The following HCN1 variants were observed in gnomAD, a reference collection of about 807,000 sequenced individuals.
The protein encoded by HCN1 is hyperpolarization activated cyclic nucleotide gated potassium channel 1.
A neutral mutation model predicts 78.9 loss-of-function variants in HCN1; 13 were observed. The ratio of observed to expected loss-of-function variants is 0.16; its 90% confidence interval spans 0.11 to 0.26. The LOEUF (loss-of-function observed/expected upper bound fraction) is 0.26. Ranked by LOEUF, HCN1 falls within the 10% of genes least tolerant of loss-of-function variation. HCN1 has a pLI of 1.00. For synonymous variants in HCN1, 552 were observed against 455.5 expected (o/e 1.21, Z -2.70); for missense variants, 810 against 1,154.3 (o/e 0.70, Z 4.32).
intron 2 of HCN1, among the ~76,000 whole-genome samples, chr5:45,568,761 C>A (rs376099486): frequency 2.6e-5 from 4 of 151,950 alleles, no homozygotes; most frequent in South Asian, 2.1e-4. Context: ...CCACTAGGTT[C>A]TTTTTTTAAG....
intron 2 of HCN1, among the ~76,000 whole-genome samples, chr5:45,486,192 G>A (rs938592622): frequency 2.0e-5 from 3 of 152,068 alleles, no homozygotes; most frequent in African/African-American, 7.2e-5. Context: ...ATCAAGACTG[G>A]GAGAAAGGTG....
chr5:45,294,941 C>A (rs368575000), intron 6 of HCN1, among the ~76,000 whole-genome samples: 18 of 152,162 alleles, frequency 1.2e-4, no homozygotes, highest in African/African-American at 4.3e-4. Flanking sequence ...ATGGCCTTGG[C>A]CAGCTTGTTT....
At chr5:45,292,238 T>A (rs1579784229) in intron 6 of HCN1, among the ~76,000 whole-genome samples, 1 of 152,008 alleles carries the variant, frequency 6.6e-6, no homozygotes, top group South Asian at 2.1e-4. Flanking sequence ...TTACAATTGA[T>A]AACTATTTTG....
intron 4 of HCN1, among the ~76,000 whole-genome samples, chr5:45,376,190 A>G (rs1186603957): frequency 1.7e-5 from 2 of 115,696 alleles, no homozygotes; most frequent in Non-Finnish European, 3.3e-5. Flanking sequence ...TACATATAAT[A>G]TATATAACAT....
chr5:45,644,974 C>T, intron 2 of HCN1: 2 of 542,796 alleles, frequency 3.7e-6, no homozygotes, highest in Non-Finnish European at 6.4e-6. Context: ...ATAAAACGAT[C>T]ACTATTTTTT....
chr5:45,601,945 A>G (rs1404318822), intron 2 of HCN1, among the ~76,000 whole-genome samples: 4 of 152,010 alleles, frequency 2.6e-5, no homozygotes, highest in Non-Finnish European at 5.9e-5. Context: ...GACCAGGTGG[A>G]GATAATTGAA....
chr5:45,549,022 C>T (rs1318331412), intron 2 of HCN1, among the ~76,000 whole-genome samples: 5 of 151,360 alleles, frequency 3.3e-5, no homozygotes, highest in African/African-American at 7.3e-5. Context: ...GAAGAACATT[C>T]CATGCTCATG....
At chr5:45,405,934 T>G (rs1043288338) in intron 3 of HCN1, among the ~76,000 whole-genome samples, 5 of 152,178 alleles carry the variant, frequency 3.3e-5, no homozygotes, top group African/African-American at 1.2e-4. Flanking sequence ...GTACTTTTTC[T>G]TGCTTCAAGA....
intron 2 of HCN1, among the ~76,000 whole-genome samples, chr5:45,466,514 C>T (rs7717787): frequency 6.6e-6 from 1 of 151,802 alleles, no homozygotes; most frequent in Non-Finnish European, 1.5e-5. Context: ...AGAGAACATT[C>T]TATTTTAAAA....
Position 45,514,345 on chromosome 5 carries a change from G to C in HCN1, c.850-52338C>G, listed in dbSNP as rs574833844. Among the ~76,000 whole-genome samples the C allele has an allele frequency of 3.9e-5, 6 of 152,108 alleles. No individual in the cohort carries two copies. In the East Asian group the frequency reaches 1.2e-3, roughly 29 times the overall value. On this transcript the variant is annotated intron_variant, in intron 2 of 7. Transcript: ENST00000303230. ...CACAATCATCCCTTATGTGAATCAT[G>C]AAAATAACCTCCAAAGCCGTCTCTT... is the stretch of plus-strand genomic sequence containing the variant.
chr5:45,512,066 T>C (rs1742427583), intron 2 of HCN1, among the ~76,000 whole-genome samples: 1 of 152,096 alleles, frequency 6.6e-6, no homozygotes, highest in Non-Finnish European at 1.5e-5. Flanking sequence ...TATAACTTAC[T>C]ACCATCCTGT....
At chr5:45,350,618 A>G (rs1023757420) in intron 5 of HCN1, among the ~76,000 whole-genome samples, 9 of 151,532 alleles carry the variant, frequency 5.9e-5, no homozygotes, top group African/African-American at 2.2e-4. Flanking sequence ...TTGTATATCT[A>G]GAAAACCCCA....
chr5:45,272,422 G>C (rs1744977484), intron 6 of HCN1, among the ~76,000 whole-genome samples: 1 of 151,512 alleles, frequency 6.6e-6, no homozygotes, highest in Non-Finnish European at 1.5e-5. Context: ...CTAAATAATG[G>C]CTTTATCAAC....
chr5:45,516,916 T>G (rs1463550627), intron 2 of HCN1, among the ~76,000 whole-genome samples: 2 of 151,896 alleles, frequency 1.3e-5, no homozygotes, highest in African/African-American at 4.8e-5. Context: ...AGTTATCTCA[T>G]TGAAGTAAAA....
Position 45,354,029 on chromosome 5 carries a change from C to T in HCN1, c.1231-783G>A, listed in dbSNP as rs114947078. ...GCCTATTTATATTTATACACACATG[C>T]GCGTGCACACACACACACCCAGAGA... On this transcript the variant is annotated intron_variant, in intron 4 of 7. Coordinates refer to ENST00000303230, the MANE Select transcript of HCN1 (RefSeq NM_021072.4). 4.9e-3 allele frequency among the ~76,000 whole-genome samples: 745 copies of T among 151,828 alleles called. 3 individuals carry two copies. The highest frequency in any genetic ancestry group is 5.9e-3 in the Non-Finnish European group (400 of 67,864).
intron 2 of HCN1, among the ~76,000 whole-genome samples, chr5:45,530,949 T>G (rs1217436061): frequency 6.6e-6 from 1 of 152,066 alleles, no homozygotes; most frequent in African/African-American, 2.4e-5. Context: ...AAAAGACTAA[T>G]GGTGGTGGTG....
intron 6 of HCN1, among the ~76,000 whole-genome samples, chr5:45,292,059 A>G (rs1044742250): frequency 8.6e-5 from 13 of 151,988 alleles, no homozygotes; most frequent in African/African-American, 3.1e-4. Context: ...TATTTTCAAT[A>G]TCCATTTGTT....
At chr5:45,380,332 G>A (rs762544081) in intron 4 of HCN1, among the ~76,000 whole-genome samples, 1 of 151,980 alleles carries the variant, frequency 6.6e-6, no homozygotes, top group Non-Finnish European at 1.5e-5. Flanking sequence ...TTCCCAAAAG[G>A]CTCCCTCTTA....
chr5:45,582,806 A>T (rs985997932), intron 2 of HCN1, among the ~76,000 whole-genome samples: 2 of 152,078 alleles, frequency 1.3e-5, no homozygotes, highest in African/African-American at 4.8e-5. Flanking sequence ...GGTTCTGTTT[A>T]TATACTGGAT....
Sources: gnomAD v4.1 joint callset for allele counts (sites outside exome capture counted in the v4.1 genomes callset) on GRCh38, gnomAD v4.1.1 for gene constraint, MANE v1.5 for transcripts, NCBI Gene and HGNC (gene_info 2026-07-23, HGNC 2026-07-21) for gene names.